The following MACROD2 variants were observed in gnomAD, a reference collection of about 807,000 sequenced individuals.
MACROD2 encodes mono-ADP ribosylhydrolase 2.
Under a neutral mutation model 70.4 loss-of-function variants are expected in MACROD2, and 36 were observed. The observed-to-expected ratio is 0.51, with a 90% CI of 0.39 to 0.68. MACROD2 has a LOEUF of 0.68. MACROD2 is among the 30% of genes least tolerant of loss of function. The pLI, the probability that MACROD2 is intolerant of heterozygous loss-of-function variation, is 0.00. For missense variants in MACROD2, 496 were observed against 538.4 expected, an observed-to-expected ratio of 0.92 and a Z score of 0.78; for synonymous variants, 172 against 178.8, an observed-to-expected ratio of 0.96 and a Z score of 0.30.
chr20:14,744,983 C>A (rs2071781234), intron 5 of MACROD2, among the ~76,000 whole-genome samples: 1 of 152,110 alleles, frequency 6.6e-6, no homozygotes, highest in Non-Finnish European at 1.5e-5. Flanking sequence ...CACTGTAGTG[C>A]ATTTATTTTC....
intron 3 of MACROD2, among the ~76,000 whole-genome samples, chr20:14,101,815 C>T (rs1207467397): frequency 1.3e-5 from 2 of 151,372 alleles, no homozygotes; most frequent in African/African-American, 4.9e-5. Flanking sequence ...GCTGCTTCGG[C>T]ATTTATTCCA....
At chr20:15,034,079 C>G (rs1425582596) in intron 5 of MACROD2, among the ~76,000 whole-genome samples, 4 of 152,126 alleles carry the variant, frequency 2.6e-5, no homozygotes, top group Non-Finnish European at 4.4e-5. Context: ...AGGAACGTAG[C>G]CTGTCACAGT....
intron 13 of MACROD2, among the ~76,000 whole-genome samples, chr20:15,981,422 A>G (rs2066398053): frequency 6.6e-6 from 1 of 152,132 alleles, no homozygotes; most frequent in African/African-American, 2.4e-5. Context: ...TTAGCTATGC[A>G]ATAATTGAGA....
At chr20:14,404,490 G>C (rs1167496379) in intron 3 of MACROD2, among the ~76,000 whole-genome samples, 1 of 152,084 alleles carries the variant, frequency 6.6e-6, no homozygotes, top group African/African-American at 2.4e-5. Context: ...AGCTGGGCAT[G>C]CTGACACGGG....
chr20:14,390,739 C>T (rs1246178435), intron 3 of MACROD2, among the ~76,000 whole-genome samples: 1 of 152,068 alleles, frequency 6.6e-6, no homozygotes, highest in Non-Finnish European at 1.5e-5. Context: ...CAAAAATTAA[C>T]TCAAGAATGG....
intron 5 of MACROD2, among the ~76,000 whole-genome samples, chr20:15,065,633 G>T (rs538097945): frequency 7.0e-6 from 1 of 142,768 alleles, no homozygotes; most frequent in Non-Finnish European, 1.5e-5. Context: ...TAGCCTGGGC[G>T]ACAGAGCGAG....
chr20:15,338,951 G>A (rs2078078424), intron 6 of MACROD2, among the ~76,000 whole-genome samples: 1 of 151,696 alleles, frequency 6.6e-6, no homozygotes, highest in Non-Finnish European at 1.5e-5. Context: ...TGTATATTTG[G>A]GACATTTCAT....
intron 3 of MACROD2, chr20:14,127,853 C>T (rs2148696936): frequency 2.1e-6 from 1 of 482,304 alleles, no homozygotes; most frequent in South Asian, 1.7e-5. Context: ...GAAGCACCAA[C>T]TCTAAGCCAA....
chr20:14,538,284 G>A (rs2085390912), intron 4 of MACROD2, among the ~76,000 whole-genome samples: 1 of 152,130 alleles, frequency 6.6e-6, no homozygotes, highest in African/African-American at 2.4e-5. Context: ...CCAGCTCTTG[G>A]CCCCAGGGCA....
At chr20:14,731,666 G>A (rs2071599167) in intron 5 of MACROD2, among the ~76,000 whole-genome samples, 1 of 152,020 alleles carries the variant, frequency 6.6e-6, no homozygotes, top group Non-Finnish European at 1.5e-5. Context: ...GGTCCCCCGG[G>A]CCCTTTCGTC....
At chr20:14,132,037 G>A (rs1160777343) in intron 3 of MACROD2, among the ~76,000 whole-genome samples, 5 of 151,508 alleles carry the variant, frequency 3.3e-5, no homozygotes, top group African/African-American at 7.3e-5. Context: ...AGGCTGAGGC[G>A]GGAGAATGGT....
At position 15,414,688 on chromosome 20, in the gene MACROD2, C is replaced by T. The variant is rs114595769; in HGVS notation, c.541-16717C>T. Among the ~76,000 whole-genome samples, 271 of 152,292 alleles carry T rather than the reference C, an allele frequency of 1.8e-3. 1 individual carries two copies. Among genetic ancestry groups the T allele is most frequent in the African/African-American group, 6.2e-3 (259 of 41,562 alleles). Reference sequence around the variant, plus strand: ...CTCTGTGTAGCTTTTGAAGATCTGCCACTTCAGGTATCCGTATACGTGAAA... The same window carrying T: ...CTCTGTGTAGCTTTTGAAGATCTGCTACTTCAGGTATCCGTATACGTGAAA... On this transcript the variant is annotated intron_variant, in intron 6 of 17. Transcript: ENST00000684519.
At chr20:15,151,724 A>G (rs974540693) in intron 5 of MACROD2, among the ~76,000 whole-genome samples, 3 of 151,974 alleles carry the variant, frequency 2.0e-5, no homozygotes, top group African/African-American at 7.3e-5. Context: ...AGGAGCATTA[A>G]CCTTGACTAT....
rs963747283 is a variant in MACROD2 at position 15,318,120 on chromosome 20, G to A, written c.540+88059G>A. ...CTGAAATCAGAAAAAAATAGAAGTT[G>A]CACTTAACTAAAATCAGAAATGAAA... On this transcript the variant is annotated intron_variant, in intron 6 of 17. Transcript: ENST00000684519. Among the ~76,000 whole-genome samples, 4 of 152,114 alleles carry A rather than the reference G, an allele frequency of 2.6e-5. No homozygotes were observed. In the South Asian group the frequency reaches 8.3e-4, roughly 32 times the overall value.
intron 2 of MACROD2, among the ~76,000 whole-genome samples, chr20:14,076,011 A>G (rs1342483093): frequency 3.3e-5 from 5 of 152,212 alleles, no homozygotes; most frequent in Non-Finnish European, 7.3e-5. Flanking sequence ...TAACTCTCAT[A>G]TAGAACAGGT....
At chr20:15,265,124 G>A (rs1033594987) in intron 6 of MACROD2, among the ~76,000 whole-genome samples, 2 of 152,132 alleles carry the variant, frequency 1.3e-5, no homozygotes, top group African/African-American at 4.8e-5. Flanking sequence ...TTTAGTCTTT[G>A]GCTTTAGAAT....
At chr20:14,174,472 C>T (rs955636479) in intron 3 of MACROD2, among the ~76,000 whole-genome samples, 2 of 152,082 alleles carry the variant, frequency 1.3e-5, no homozygotes, top group South Asian at 2.1e-4. Context: ...TTATAGGCCT[C>T]ACCCAGCTCC....
chr20:14,773,500 A>G (rs1195444868), intron 5 of MACROD2, among the ~76,000 whole-genome samples: 1 of 152,084 alleles, frequency 6.6e-6, no homozygotes, highest in Non-Finnish European at 1.5e-5. Context: ...TCTTTCACTT[A>G]GCATAATGTC....
Position 14,950,125 on chromosome 20 carries a change from A to C in MACROD2, c.418+265166A>C, listed in dbSNP as rs117874015. ...GCTGCTAGTGTTTTAACTTCTGAAA[A>C]ATCTAATTCTTGAAAACGTGGGGCC... On this transcript the variant is annotated intron_variant, in intron 5 of 17. Coordinates refer to ENST00000684519, the MANE Select transcript of MACROD2 (RefSeq NM_001351661.2). Among the ~76,000 whole-genome samples the C allele has an allele frequency of 1.5e-3, 232 of 152,210 alleles. 1 individual carries two copies. The highest frequency in any genetic ancestry group is 2.7e-3 in the Non-Finnish European group (186 of 68,020).
Sources: gnomAD v4.1 joint callset for allele counts (sites outside exome capture counted in the v4.1 genomes callset) on GRCh38, gnomAD v4.1.1 for gene constraint, MANE v1.5 for transcripts, NCBI Gene and HGNC (gene_info 2026-07-23, HGNC 2026-07-21) for gene names.